The following DOK6 variants were observed in gnomAD, a reference collection of about 807,000 sequenced individuals.
DOK6 encodes docking protein 6.
DOK6 carries 22 observed loss-of-function variants against 44.0 expected under a neutral mutation model. The ratio of observed to expected loss-of-function variants is 0.50; its 90% CI spans 0.36 to 0.71. The LOEUF is 0.71. Among genes scored for constraint, DOK6 ranks in the 30% least tolerant of loss-of-function variants. The probability of loss-of-function intolerance (pLI) is 0.00; values close to 1 mark genes in which losing one functional copy is unlikely to be tolerated. For missense variants in DOK6, 340 were observed against 416.4 expected (o/e 0.82, Z 1.60); for synonymous variants, 166 against 145.5 (o/e 1.14, Z -1.01).
At chr18:69,774,133 G>GAC (rs1555670147) in intron 7 of DOK6, among the ~76,000 whole-genome samples, 1 of 66,866 alleles carries the variant, frequency 1.5e-5, no homozygotes, top group Non-Finnish European at 3.3e-5. Flanking sequence ...ATATATATGA[G>GAC]ATATATATAT....
chr18:69,592,851 A>G (rs1190807310), intron 2 of DOK6, among the ~76,000 whole-genome samples: 2 of 152,180 alleles, frequency 1.3e-5, no homozygotes, highest in Admixed American at 6.5e-5. Flanking sequence ...ACATGTTGAT[A>G]ATTTTTTATG....
chr18:69,435,255 A>T (rs907778233), intron 1 of DOK6, among the ~76,000 whole-genome samples: 10 of 152,338 alleles, frequency 6.6e-5, no homozygotes, highest in Admixed American at 5.2e-4. Flanking sequence ...CACATTGGCC[A>T]GTCACTAGGC....
chr18:69,448,738 G>T (rs1288313091), intron 1 of DOK6, among the ~76,000 whole-genome samples: 1 of 152,058 alleles, frequency 6.6e-6, no homozygotes, highest in Non-Finnish European at 1.5e-5. Context: ...TTAATTTTTG[G>T]AACATTGAAT....
chr18:69,533,004 G>C (rs1035184040), intron 1 of DOK6: 13 of 151,968 alleles, frequency 8.6e-5, no homozygotes, highest in Admixed American at 6.6e-4. Flanking sequence ...GTTCTTTTGG[G>C]AACAAACAGA....
chr18:69,582,298 A>G (rs1417515091), intron 2 of DOK6, among the ~76,000 whole-genome samples: 1 of 152,212 alleles, frequency 6.6e-6, no homozygotes, highest in Non-Finnish European at 1.5e-5. Flanking sequence ...ATTTAAAGCT[A>G]TACAAATTTC....
At chr18:69,508,747 T>A (rs181346203) in intron 1 of DOK6, among the ~76,000 whole-genome samples, 26 of 152,302 alleles carry the variant, frequency 1.7e-4, no homozygotes, top group Admixed American at 3.9e-4. Flanking sequence ...ATTTTTTCTT[T>A]CATAAGGTCA....
At chr18:69,648,677 G>A (rs1206326056) in intron 3 of DOK6, among the ~76,000 whole-genome samples, 1 of 152,188 alleles carries the variant, frequency 6.6e-6, no homozygotes, top group Non-Finnish European at 1.5e-5. Context: ...CCTGGACTCA[G>A]CAGTTCTGAG....
intron 1 of DOK6, among the ~76,000 whole-genome samples, chr18:69,459,115 A>AAAGG (rs1979714509): frequency 1.6e-5 from 2 of 128,184 alleles, no homozygotes; most frequent in Admixed American, 1.7e-4. Context: ...CCCCCAAAAA[A>AAAGG]AAGGAAGGAA....
intron 4 of DOK6, among the ~76,000 whole-genome samples, chr18:69,689,327 G>A (rs1045205936): frequency 2.0e-5 from 3 of 152,176 alleles, no homozygotes; most frequent in African/African-American, 7.2e-5. Context: ...TCACAATATA[G>A]TTCACTCTTT....
chr18:69,707,875 TGAA>T (rs1273543326), intron 5 of DOK6, among the ~76,000 whole-genome samples: 6 of 152,176 alleles, frequency 3.9e-5, no homozygotes, highest in Non-Finnish European at 7.3e-5. Context: ...AAAAGCTTCC[TGAA>T]GAAGATGATT....
intron 1 of DOK6, among the ~76,000 whole-genome samples, chr18:69,403,088 C>A (rs1327059224): frequency 6.6e-6 from 1 of 152,090 alleles, no homozygotes; most frequent in Non-Finnish European, 1.5e-5. Context: ...TTCTTGAAAT[C>A]GCAATTGTAT....
intron 1 of DOK6, among the ~76,000 whole-genome samples, chr18:69,527,018 T>C (rs1411520754): frequency 1.3e-5 from 2 of 152,150 alleles, no homozygotes; most frequent in Non-Finnish European, 2.9e-5. Flanking sequence ...GAAATCCACC[T>C]CCCACCATCC....
intron 3 of DOK6, chr18:69,647,575 G>A (rs1425900867): frequency 6.6e-6 from 1 of 152,184 alleles, no homozygotes; most frequent in Non-Finnish European, 1.5e-5. Context: ...AGAGGGATCA[G>A]GCCTTGGGTT....
chr18:69,682,479 G>T (rs1986066138), intron 4 of DOK6, among the ~76,000 whole-genome samples: 1 of 152,182 alleles, frequency 6.6e-6, no homozygotes. Context: ...TATTTCATCT[G>T]TCTCTCAACC....
intron 1 of DOK6, among the ~76,000 whole-genome samples, chr18:69,406,856 G>A (rs999463586): frequency 5.3e-5 from 8 of 152,118 alleles, no homozygotes; most frequent in East Asian, 3.9e-4. Flanking sequence ...CGAGGCTGGC[G>A]GATCACCTGA....
intron 3 of DOK6, among the ~76,000 whole-genome samples, chr18:69,620,365 A>C (rs1475368827): frequency 6.6e-6 from 1 of 152,230 alleles, no homozygotes; most frequent in Non-Finnish European, 1.5e-5. Flanking sequence ...TCACAATTAC[A>C]CAAGGCTATA....
At chr18:69,639,233 G>C (rs1464136534) in intron 3 of DOK6, among the ~76,000 whole-genome samples, 1 of 152,150 alleles carries the variant, frequency 6.6e-6, no homozygotes, top group Non-Finnish European at 1.5e-5. Context: ...ACTCTTAAGA[G>C]CTACTTCTAC....
At chr18:69,456,130 T>A (rs1367546136) in intron 1 of DOK6, among the ~76,000 whole-genome samples, 1 of 152,192 alleles carries the variant, frequency 6.6e-6, no homozygotes, top group Non-Finnish European at 1.5e-5. Context: ...CCCCTCTTTT[T>A]TCATGATATC....
intron 1 of DOK6, among the ~76,000 whole-genome samples, chr18:69,467,303 T>G (rs978378751): frequency 6.6e-6 from 1 of 152,144 alleles, no homozygotes; most frequent in Non-Finnish European, 1.5e-5. Flanking sequence ...CATAGACCAT[T>G]TTTAAATGAT....
Sources: gnomAD v4.1 joint callset for allele counts (sites outside exome capture counted in the v4.1 genomes callset) on GRCh38, gnomAD v4.1.1 for gene constraint, MANE v1.5 for transcripts, NCBI Gene and HGNC (gene_info 2026-07-23, HGNC 2026-07-21) for gene names.